Variants in CNTNAP2 observed in about 807,000 individuals in gnomAD.
CNTNAP2 encodes contactin-associated protein-like 2.
Under a neutral mutation model 155.2 loss-of-function variants are expected in CNTNAP2, and 98 were observed. The observed-to-expected ratio is 0.63, with a 90% CI of 0.54 to 0.75. The LOEUF (loss-of-function observed/expected upper bound fraction) is 0.75. Ranked by LOEUF, CNTNAP2 falls within the 30% of genes least tolerant of loss-of-function variation. The pLI, the probability that CNTNAP2 is intolerant of heterozygous loss-of-function variation, is 0.00. For synonymous variants in CNTNAP2, 651 were observed against 631.2 expected (o/e 1.03, Z -0.47); for missense variants, 1,727 against 1,688.1 (o/e 1.02, Z -0.40).
intron 13 of CNTNAP2, among the ~76,000 whole-genome samples, chr7:147,890,545 G>A (rs1336364776): frequency 6.6e-6 from 1 of 152,206 alleles, no homozygotes; most frequent in African/African-American, 2.4e-5. Context: ...GCATTCCCAT[G>A]TTCATTGCAG....
chr7:147,488,617 A>G (rs1798552140), intron 11 of CNTNAP2, among the ~76,000 whole-genome samples: 1 of 152,186 alleles, frequency 6.6e-6, no homozygotes. Flanking sequence ...AGAGTTTCAA[A>G]CATTACAGGC....
intron 1 of CNTNAP2, among the ~76,000 whole-genome samples, chr7:146,292,867 C>T (rs983171356): frequency 2.0e-4 from 31 of 152,064 alleles, no homozygotes; most frequent in African/African-American, 6.5e-4. Context: ...TTATCCGAGA[C>T]GCTGGGAGAG....
At chr7:147,788,325 T>C (rs1797767771) in intron 13 of CNTNAP2, among the ~76,000 whole-genome samples, 1 of 152,220 alleles carries the variant, frequency 6.6e-6, no homozygotes, top group South Asian at 2.1e-4. Flanking sequence ...AAGCAGAATG[T>C]ATAACTTTAC....
intron 1 of CNTNAP2, among the ~76,000 whole-genome samples, chr7:146,463,572 G>A (rs770546607): frequency 2.0e-5 from 3 of 151,008 alleles, no homozygotes; most frequent in South Asian, 2.1e-4. Context: ...ACACATATAC[G>A]TACATATATA....
intron 1 of CNTNAP2, among the ~76,000 whole-genome samples, chr7:146,475,443 A>G (rs976567255): frequency 2.0e-5 from 3 of 152,214 alleles, no homozygotes; most frequent in African/African-American, 7.2e-5. Flanking sequence ...AGTGGTTTTC[A>G]TTTGGAAATA....
At chr7:148,017,447 A>T (rs1802200112) in intron 15 of CNTNAP2, among the ~76,000 whole-genome samples, 1 of 152,232 alleles carries the variant, frequency 6.6e-6, no homozygotes, top group Non-Finnish European at 1.5e-5. Flanking sequence ...AAGGCTGCTT[A>T]TGTTAAAAAT....
At chr7:147,135,822 G>T (rs528828232) in intron 8 of CNTNAP2, among the ~76,000 whole-genome samples, 26 of 146,414 alleles carry the variant, frequency 1.8e-4, no homozygotes, top group African/African-American at 6.5e-4. Flanking sequence ...ATAATTTCAT[G>T]TCCTAAATAC....
chr7:147,353,223 C>A (rs371310825), intron 9 of CNTNAP2, among the ~76,000 whole-genome samples: 31 of 151,198 alleles, frequency 2.1e-4, no homozygotes, highest in East Asian at 1.9e-3. Flanking sequence ...TAGGTATACA[C>A]GTGCCATGGT....
chr7:147,608,276 T>C (rs1274843905), intron 12 of CNTNAP2, among the ~76,000 whole-genome samples: 2 of 152,090 alleles, frequency 1.3e-5, no homozygotes, highest in Admixed American at 6.6e-5. Context: ...TATGTTGCTC[T>C]GTGAAAAGTC....
intron 18 of CNTNAP2, among the ~76,000 whole-genome samples, chr7:148,182,156 C>G (rs952893639): frequency 1.3e-5 from 2 of 152,094 alleles, no homozygotes; most frequent in African/African-American, 4.8e-5. Context: ...TTTTTATTTC[C>G]TGTTCTTCAG....
chr7:147,777,067 A>G (rs1406488560), intron 13 of CNTNAP2, among the ~76,000 whole-genome samples: 3 of 152,082 alleles, frequency 2.0e-5, no homozygotes, highest in Admixed American at 2.0e-4. Flanking sequence ...TGTACTATCC[A>G]TAAGTATTGC....
intron 15 of CNTNAP2, among the ~76,000 whole-genome samples, chr7:148,115,441 C>A (rs149339100): frequency 6.6e-6 from 1 of 152,288 alleles, no homozygotes; most frequent in Non-Finnish European, 1.5e-5. Context: ...CCTAAAGAGA[C>A]AGAATTGCTT....
In CNTNAP2 at chr7:147,575,317, ATATGTG is replaced by A. The variant is rs1444137276; in HGVS notation, c.1897+13062_1897+13067del. 2.0e-4 allele frequency among the ~76,000 whole-genome samples: 13 copies of A among 64,786 alleles called. No homozygotes were observed. In the South Asian group the frequency reaches 4.9e-3, roughly 25 times the overall value. The allele number at this position is 64,786 out of a possible 152,430, so 42.5% of individuals were successfully genotyped here. A position where few individuals can be genotyped will look rare whatever the true frequency, so the allele number is the denominator to read the frequency against. On this transcript the variant is annotated intron_variant, in intron 12 of 23. Transcript: ENST00000361727. ...GTATTCCCTAGCTTTAGGGGTATATATATGTGTGTGTGTGTGTGTGTGAGAGACTGT... is the reference window on the plus strand; with the variant it reads ...GTATTCCCTAGCTTTAGGGGTATATATGTGTGTGTGTGTGTGAGAGACTGT...
chr7:147,533,869 A>T (rs1271448805), intron 11 of CNTNAP2, among the ~76,000 whole-genome samples: 3 of 152,238 alleles, frequency 2.0e-5, no homozygotes, highest in Non-Finnish European at 4.4e-5. Context: ...CATGTAATAA[A>T]TGTGAACTAT....
chr7:148,044,082 CAA>C (rs1802725931), intron 15 of CNTNAP2, among the ~76,000 whole-genome samples: 1 of 151,662 alleles, frequency 6.6e-6, no homozygotes, highest in Non-Finnish European at 1.5e-5. Context: ...GAAAATCAAA[CAA>C]AAAGCATAAG....
intron 10 of CNTNAP2, among the ~76,000 whole-genome samples, chr7:147,426,382 T>C (rs546962022): frequency 5.3e-5 from 8 of 152,244 alleles, no homozygotes; most frequent in East Asian, 1.9e-4. Flanking sequence ...ACATTTGTCA[T>C]TGGATATGAT....
rs899555999 is a variant in CNTNAP2, at chr7:147,608,902, G to A, written c.1898-30204G>A. Among the ~76,000 whole-genome samples the A allele has an allele frequency of 2.6e-5, 4 of 152,160 alleles. 1 individual carries two copies. The highest frequency in any genetic ancestry group is 2.6e-4 in the Admixed American group (4 of 15,264). On this transcript the variant is annotated intron_variant, in intron 12 of 23. Coordinates refer to ENST00000361727, the MANE Select transcript of CNTNAP2 (RefSeq NM_014141.6). The stretch of plus-strand genomic sequence containing the variant: ...AAAGGGGGTTGTTCTCTGGCAGGCA[G>A]GGGCGGGGGTCAAAAGGTGCTCAGT...
At chr7:146,997,272 A>C (rs983972874) in intron 3 of CNTNAP2, among the ~76,000 whole-genome samples, 5 of 152,086 alleles carry the variant, frequency 3.3e-5, no homozygotes, top group Non-Finnish European at 7.4e-5. Context: ...GAGTGTTTTT[A>C]TGATGAATGC....
At chr7:146,531,380 TAAA>T (rs1375319337) in intron 1 of CNTNAP2, among the ~76,000 whole-genome samples, 2 of 152,002 alleles carry the variant, frequency 1.3e-5, no homozygotes, top group Non-Finnish European at 2.9e-5. Context: ...AAATAAAAGT[TAAA>T]AAATAAAGCT....
Sources: gnomAD v4.1 joint callset for allele counts (sites outside exome capture counted in the v4.1 genomes callset) on GRCh38, gnomAD v4.1.1 for gene constraint, MANE v1.5 for transcripts, NCBI Gene and HGNC (gene_info 2026-07-23, HGNC 2026-07-21) for gene names.